Variants in ANKRD28 observed in about 807,000 individuals in gnomAD.
ANKRD28 encodes the protein ankyrin repeat domain 28, also known as serine/threonine-protein phosphatase 6 regulatory ankyrin repeat subunit A.
A neutral mutation model predicts 126.5 loss-of-function variants in ANKRD28; 44 were observed. That is an observed-to-expected ratio of 0.35 (90% CI 0.27 to 0.45). The LOEUF (loss-of-function observed/expected upper bound fraction) is 0.45. ANKRD28 is among the 20% of genes least tolerant of loss of function. The pLI, the probability that ANKRD28 is intolerant of heterozygous loss-of-function variation, is 1.00. For missense variants in ANKRD28, 1,110 were observed against 1,316.6 expected (o/e 0.84, Z 2.43); for synonymous variants, 442 against 468.5 (o/e 0.94, Z 0.73).
chr3:15,708,534 C>T (rs907144332), intron 13 of ANKRD28, among the ~76,000 whole-genome samples: 8 of 151,876 alleles, frequency 5.3e-5, no homozygotes, highest in African/African-American at 1.9e-4. Context: ...TTACTTTCAA[C>T]CCTCTCAACT....
Position 15,839,805 on chromosome 3 carries a change from T to C in ANKRD28, c.27+19572A>G, listed in dbSNP as rs574833251. Among the ~76,000 whole-genome samples, 92 of 152,132 alleles carry C rather than the reference T, an allele frequency of 6.0e-4. No homozygotes were observed. The highest frequency in any genetic ancestry group is 1.0e-3 in the Non-Finnish European group (70 of 68,014). ...AACAAAATGAAGGACAAAAACCACA[T>C]AGTCATGTCAACTGATGCTGAAAAA... is the stretch of plus-strand genomic sequence containing the variant. On this transcript the variant is annotated intron_variant, in intron 1 of 27. Coordinates refer to the ANKRD28 transcript ENST00000399451. The surrounding 1 kb of genome is among the most constrained non-coding windows in gnomAD (Gnocchi z 4.3).
intron 3 of ANKRD28, chr3:15,756,435 C>G (rs538136104): frequency 1.1e-6 from 1 of 904,152 alleles, no homozygotes; most frequent in Non-Finnish European, 1.3e-6. Flanking sequence ...TCTAGCTATT[C>G]GGAAATAAAA....
At chr3:15,722,272 T>C (rs1575388879) in intron 7 of ANKRD28, among the ~76,000 whole-genome samples, 2 of 152,288 alleles carry the variant, frequency 1.3e-5, no homozygotes, top group Admixed American at 1.3e-4. Context: ...AATCAAGCCA[T>C]ATAATGGAGC....
chr3:15,765,885 C>T (rs1050955062), intron 3 of ANKRD28, among the ~76,000 whole-genome samples: 1 of 149,724 alleles, frequency 6.7e-6, no homozygotes, highest in Non-Finnish European at 1.5e-5. Context: ...AAACCCGCTA[C>T]ATATAATGCT....
At chr3:15,723,828 G>A (rs2073966689) in intron 7 of ANKRD28, among the ~76,000 whole-genome samples, 1 of 152,028 alleles carries the variant, frequency 6.6e-6, no homozygotes, top group South Asian at 2.1e-4. Context: ...TTAAAGGATG[G>A]CTTGTGAAAA....
At chr3:15,700,692 TG>T (rs1490085305) in intron 14 of ANKRD28, among the ~76,000 whole-genome samples, 2 of 152,126 alleles carry the variant, frequency 1.3e-5, no homozygotes, top group Non-Finnish European at 2.9e-5. Context: ...GAGAATTGCT[TG>T]AACTCAGGAG....
In ANKRD28 at chr3:15,686,901, C is replaced by T. The variant is rs75977240; in HGVS notation, c.1964-592G>A. On this transcript the variant is annotated intron_variant, in intron 18 of 27. Coordinates refer to ENST00000683139, the MANE Select transcript of ANKRD28 (RefSeq NM_001349278.2). The stretch of plus-strand genomic sequence containing the variant: ...AGAATTTAATCCAGAGCTCTGACAC[C>T]GTTGTAGAATCAACCAACCCTGGAA... 1.4e-3 allele frequency among the ~76,000 whole-genome samples: 210 copies of T among 151,344 alleles called. 5 individuals are homozygous for T. The East Asian group carries it at 0.028, about 20-fold the overall frequency.
chr3:15,814,316 C>G lies in ANKRD28; in HGVS notation c.28-19010G>C. On this transcript the variant is annotated intron_variant, in intron 1 of 27. Coordinates refer to the ANKRD28 transcript ENST00000399451. The surrounding 1 kb of genome is among the most constrained non-coding windows in gnomAD (Gnocchi z 4.7). ...TTCAATTCCAATCACAGGCCTGTAG[C>G]AGAAAACAGATATCAAAAGAAAGAA... The G allele has an allele frequency of 7.9e-7, 1 of 1,271,332 alleles. No homozygotes were observed. Among genetic ancestry groups the G allele is most frequent in the Non-Finnish European group, 1.0e-6 (1 of 981,086 alleles). 78.8% of individuals were successfully genotyped at this position (1,271,332 alleles called of 1,614,324 possible).
At chr3:15,811,810 T>C (rs973366516) in intron 1 of ANKRD28, among the ~76,000 whole-genome samples, 17 of 152,012 alleles carry the variant, frequency 1.1e-4, no homozygotes, top group Non-Finnish European at 1.8e-4. Flanking sequence ...ATTGTGGTTT[T>C]CTATAGATGC....
At chr3:15,851,629 T>C (rs1402586235) in intron 1 of ANKRD28, among the ~76,000 whole-genome samples, 1 of 152,028 alleles carries the variant, frequency 6.6e-6, no homozygotes, top group Admixed American at 6.6e-5. Context: ...TGGCTATAAT[T>C]TAAGACAGAC....
intron 8 of ANKRD28, among the ~76,000 whole-genome samples, chr3:15,717,046 C>T (rs532702414): frequency 1.1e-4 from 16 of 152,248 alleles, no homozygotes; most frequent in African/African-American, 3.6e-4. Flanking sequence ...AGATTGATAC[C>T]ATTAATCTTG....
At chr3:15,789,382 G>A (rs1198842975) in intron 2 of ANKRD28, among the ~76,000 whole-genome samples, 1 of 151,840 alleles carries the variant, frequency 6.6e-6, no homozygotes, top group East Asian at 1.9e-4. Flanking sequence ...GTAACCAATG[G>A]AACCTTAGGA....
intron 1 of ANKRD28, among the ~76,000 whole-genome samples, chr3:15,852,817 T>G (rs535619619): frequency 3.2e-4 from 37 of 114,850 alleles, no homozygotes; most frequent in Middle Eastern, 0.016. Flanking sequence ...TGGGCGACAG[T>G]GCGAGACTCT....
intron 12 of ANKRD28, among the ~76,000 whole-genome samples, chr3:15,710,494 A>G (rs1216684493): frequency 6.6e-6 from 1 of 152,078 alleles, no homozygotes; most frequent in Non-Finnish European, 1.5e-5. Context: ...CATCTCTACA[A>G]CTTAGACTGT....
Position 15,853,671 on chromosome 3 carries a change from G to A in ANKRD28, c.27+5706C>T, listed in dbSNP as rs113226482. The stretch of plus-strand genomic sequence containing the variant: ...TTTTTAGTAGAGATGGGGTTTCACC[G>A]TGTTAGCCAGGATGGTCTCGATCTC... On this transcript the variant is annotated intron_variant, in intron 1 of 27. Transcript: ENST00000399451. The surrounding 1 kb of genome is among the most constrained non-coding windows in gnomAD (Gnocchi z 4.2). 3.9e-5 allele frequency among the ~76,000 whole-genome samples: 6 copies of A among 152,046 alleles called. 1 individual carries two copies. The highest frequency in any genetic ancestry group is 1.2e-4 in the African/African-American group (5 of 41,480).
intron 2 of ANKRD28, among the ~76,000 whole-genome samples, chr3:15,781,906 G>A (rs535233121): frequency 7.2e-5 from 11 of 152,164 alleles, no homozygotes; most frequent in East Asian, 1.9e-4. Context: ...GCAGAATCTC[G>A]CCTTAGTACT....
intron 8 of ANKRD28, among the ~76,000 whole-genome samples, chr3:15,717,448 T>C (rs2073200602): frequency 6.6e-6 from 1 of 152,080 alleles, no homozygotes; most frequent in Admixed American, 6.6e-5. Flanking sequence ...TATTTCTTTC[T>C]GAACTGGAGA....
At chr3:15,777,849 T>TACACACAC (rs569761948) in intron 2 of ANKRD28, among the ~76,000 whole-genome samples, 10,470 of 105,974 alleles carry the variant, frequency 0.099, 833 homozygotes, top group Middle Eastern at 0.14. Context: ...AAAACCAAAC[T>TACACACAC]ACACACACAC....
chr3:15,772,261 T>C (rs1260784711), intron 2 of ANKRD28, among the ~76,000 whole-genome samples: 1 of 152,166 alleles, frequency 6.6e-6, no homozygotes, highest in South Asian at 2.1e-4. Flanking sequence ...CAAAAGCTGA[T>C]TCTTTGAAAA....
Sources: allele counts gnomAD v4.1 joint callset (sites outside exome capture counted in the v4.1 genomes callset), GRCh38; gene constraint gnomAD v4.1.1; non-coding constraint Gnocchi (gnomAD v3.1); transcripts MANE v1.5; gene names NCBI Gene and HGNC (gene_info 2026-07-23, HGNC 2026-07-21).